RBFOX3: variants seen among roughly 807,000 people sequenced by gnomAD.
RBFOX3 encodes RNA binding fox-1 homolog 3, also known as RNA binding protein fox-1 homolog 3.
A neutral mutation model predicts 48.7 loss-of-function variants in RBFOX3; 17 were observed. The ratio of observed to expected loss-of-function variants is 0.35; its 90% confidence interval spans 0.24 to 0.52. The LOEUF (loss-of-function observed/expected upper bound fraction) is 0.52, where lower values mean the gene tolerates loss of function less well. Ranked by LOEUF, RBFOX3 falls within the 20% of genes least tolerant of loss-of-function variation. RBFOX3 has a pLI of 0.94. For synonymous variants in RBFOX3, 212 were observed against 209.5 expected, an observed-to-expected ratio of 1.01 and a Z score of -0.10; for missense variants, 382 against 497.5, an observed-to-expected ratio of 0.77 and a Z score of 2.21.
At chr17:79,494,998 G>C (rs1598932664) in intron 1 of RBFOX3, among the ~76,000 whole-genome samples, 1 of 152,190 alleles carries the variant, frequency 6.6e-6, no homozygotes. Context: ...GGGGGTGGCT[G>C]TCTGTCCACG....
chr17:79,302,338 G>C (rs1306794468), intron 3 of RBFOX3, among the ~76,000 whole-genome samples: 2 of 152,184 alleles, frequency 1.3e-5, no homozygotes, highest in African/African-American at 4.8e-5. Flanking sequence ...GTAAGACGGA[G>C]CCAGGGTTCC....
Position 79,443,050 on chromosome 17 carries a change from A to G in RBFOX3, c.-175+39404T>C, listed in dbSNP as rs1282352108. Reference sequence around the variant, plus strand: ...CCCCTGGAAAACATCCACCTGTGCCATGAGGTCCTCACAGGCCAAAGGTGC... The same window carrying G: ...CCCCTGGAAAACATCCACCTGTGCCGTGAGGTCCTCACAGGCCAAAGGTGC... On this transcript the variant is annotated intron_variant, in intron 2 of 14. Transcript: ENST00000693108. This position sits in a 1 kb window ranked among gnomAD's most constrained non-coding sequence, Gnocchi z 4.4. Among the ~76,000 whole-genome samples the G allele has an allele frequency of 6.6e-6, 1 of 152,238 alleles. No individual in the cohort carries two copies. Among genetic ancestry groups the G allele is most frequent in the Non-Finnish European group, 1.5e-5 (1 of 68,042 alleles).
chr17:79,474,461 CAA>C (rs2077440279), intron 2 of RBFOX3, among the ~76,000 whole-genome samples: 1 of 152,180 alleles, frequency 6.6e-6, no homozygotes, highest in Admixed American at 6.5e-5. Context: ...CGGATGGTGA[CAA>C]TCATTTATTG....
At position 79,422,366 on chromosome 17, in the gene RBFOX3, G is replaced by T. The variant is rs2080188929; in HGVS notation, c.-175+60088C>A. 2.8e-5 allele frequency among the ~76,000 whole-genome samples: 4 copies of T among 143,782 alleles called. No homozygotes were observed. In the South Asian group the frequency reaches 6.7e-4, roughly 24 times the overall value. 94.3% of individuals were successfully genotyped at this position (143,782 alleles called of 152,430 possible). On this transcript the variant is annotated intron_variant, in intron 2 of 14. Coordinates refer to ENST00000693108, the MANE Select transcript of RBFOX3 (RefSeq NM_001350451.2). ...CACATTCAACCCCTCCCTCCGTCCTGTGCTGCCACAGCACCCCCACTGCCT... is the reference window on the plus strand; with the variant it reads ...CACATTCAACCCCTCCCTCCGTCCTTTGCTGCCACAGCACCCCCACTGCCT...
the RBFOX3 span, among the ~76,000 whole-genome samples, chr17:79,620,607 A>G: frequency 5.5e-5 from 8 of 144,184 alleles, no homozygotes; most frequent in Non-Finnish European, 9.1e-5. Flanking sequence ...ACGCACGCAC[A>G]CATGCACACA....
At chr17:79,555,904 A>G (rs2091718237) in intron 1 of RBFOX3, among the ~76,000 whole-genome samples, 1 of 135,528 alleles carries the variant, frequency 7.4e-6, no homozygotes, top group African/African-American at 2.7e-5. Context: ...TGGCAGCAGC[A>G]ATGGTGTTGG....
intron 2 of RBFOX3, among the ~76,000 whole-genome samples, chr17:79,329,368 C>T (rs1345882662): frequency 6.6e-6 from 1 of 152,142 alleles, no homozygotes; most frequent in African/African-American, 2.4e-5. Flanking sequence ...ACCTGTCCCC[C>T]ATCCTGGCCA....
At chr17:79,495,556 G>C (rs1343415999) in intron 1 of RBFOX3, among the ~76,000 whole-genome samples, 2 of 8,166 alleles carry the variant, frequency 2.4e-4, no homozygotes, top group South Asian at 3.8e-3. Flanking sequence ...GGGGGCAGGG[G>C]TACTGGGGGC....
At chr17:79,328,248 C>T (rs965523493) in intron 2 of RBFOX3, among the ~76,000 whole-genome samples, 3 of 152,132 alleles carry the variant, frequency 2.0e-5, no homozygotes, top group Non-Finnish European at 4.4e-5. Context: ...GGGCAAGGAC[C>T]CCTTTTGATA....
chr17:79,656,789 A>AGAAGGAAGGAAG, the RBFOX3 span, among the ~76,000 whole-genome samples: 470 of 5,234 alleles, frequency 0.09, 8 homozygotes, highest in African/African-American at 0.23. Flanking sequence ...AAAGAAAGAA[A>AGAAGGAAGGAAG]GAAAGAAAGA....
rs6501282 is a variant in RBFOX3 at position 79,119,856 on chromosome 17, C to T, written c.-33-4108G>A. ...CCTAGAGAAGTGTCCACACCTGGGC[C>T]GCACTCCTGAACAACAGAGGCCACT... On this transcript the variant is annotated intron_variant, in intron 4 of 14. Coordinates refer to ENST00000693108, the MANE Select transcript of RBFOX3 (RefSeq NM_001350451.2). 3.3e-5 allele frequency among the ~76,000 whole-genome samples: 5 copies of T among 152,142 alleles called. No individual in the cohort carries two copies. The East Asian group carries it at 7.7e-4, about 23-fold the overall frequency.
intron 1 of RBFOX3, among the ~76,000 whole-genome samples, chr17:79,556,335 G>T (rs1429327411): frequency 6.7e-6 from 1 of 150,126 alleles, no homozygotes; most frequent in African/African-American, 2.5e-5. Context: ...AGGACATAAG[G>T]CAAAATAGAC....
At chr17:79,436,556 G>A (rs1431147036) in intron 2 of RBFOX3, among the ~76,000 whole-genome samples, 3 of 152,188 alleles carry the variant, frequency 2.0e-5, no homozygotes, top group African/African-American at 4.8e-5. Context: ...AGGAGCAGGT[G>A]GAAGAGCAAT....
intron 1 of RBFOX3, among the ~76,000 whole-genome samples, chr17:79,596,430 G>A (rs1431075004): frequency 6.6e-6 from 1 of 152,094 alleles, no homozygotes; most frequent in Non-Finnish European, 1.5e-5. Context: ...CCAGCCAGGG[G>A]TGGGCCAGGG....
At chr17:79,154,854 C>CCTGCACAGGTGCACATGCAG (rs2145016941) in intron 4 of RBFOX3, among the ~76,000 whole-genome samples, 1 of 152,366 alleles carries the variant, frequency 6.6e-6, no homozygotes, top group South Asian at 2.1e-4. Context: ...CTCCCAGGCA[C>CCTGCACAGGTGCACATGCAG]CTGCACAGGT....
intron 2 of RBFOX3, among the ~76,000 whole-genome samples, chr17:79,372,879 T>C (rs1451397619): frequency 6.6e-6 from 1 of 152,170 alleles, no homozygotes; most frequent in Admixed American, 6.5e-5. Flanking sequence ...GAGATTTTTC[T>C]GGTGCAATTG....
intron 4 of RBFOX3, among the ~76,000 whole-genome samples, chr17:79,164,084 G>A (rs1048742124): frequency 6.6e-6 from 1 of 152,210 alleles, no homozygotes; most frequent in African/African-American, 2.4e-5. Context: ...TCTGTACCAG[G>A]GTTCGGAAAA....
chr17:79,273,091 G>A (rs749712), intron 3 of RBFOX3, among the ~76,000 whole-genome samples: 5,216 of 152,258 alleles, frequency 0.034, 285 homozygotes, highest in African/African-American at 0.12. Context: ...AAAGAACAGA[G>A]TGGTGACCTG....
intron 4 of RBFOX3, among the ~76,000 whole-genome samples, chr17:79,223,525 C>T (rs2059967398): frequency 6.6e-6 from 1 of 152,244 alleles, no homozygotes; most frequent in African/African-American, 2.4e-5. Context: ...TTGGGCTTGT[C>T]CCTGCAGATC....
Sources: allele counts gnomAD v4.1 joint callset (sites outside exome capture counted in the v4.1 genomes callset), GRCh38; gene constraint gnomAD v4.1.1; non-coding constraint Gnocchi (gnomAD v3.1); transcripts MANE v1.5; gene names NCBI Gene and HGNC (gene_info 2026-07-23, HGNC 2026-07-21).